ADGRL3: variants seen among roughly 807,000 people sequenced by gnomAD.
ADGRL3 encodes the protein calcium-independent alpha-latrotoxin receptor 3.
ADGRL3 carries 62 observed loss-of-function variants against 153.5 expected under a neutral mutation model. The ratio of observed to expected loss-of-function variants is 0.40; its 90% confidence interval spans 0.33 to 0.50. The LOEUF is 0.50. Among genes scored for constraint, ADGRL3 ranks in the 20% least tolerant of loss-of-function variants. The probability of loss-of-function intolerance (pLI) is 0.47; values close to 1 mark genes in which losing one functional copy is unlikely to be tolerated. For missense variants in ADGRL3, 1,641 were observed against 1,859.4 expected (o/e 0.88, Z 2.16); for synonymous variants, 710 against 672.5 (o/e 1.06, Z -0.86).
At chr4:61,274,641 G>T (rs2093374091) in intron 1 of ADGRL3, among the ~76,000 whole-genome samples, 1 of 152,162 alleles carries the variant, frequency 6.6e-6, no homozygotes, top group Non-Finnish European at 1.5e-5. Flanking sequence ...GTGCTGGTTA[G>T]TAAAGAAAAC....
chr4:61,927,096 C>T (rs772288909), intron 13 of ADGRL3, among the ~76,000 whole-genome samples: 6 of 152,078 alleles, frequency 3.9e-5, no homozygotes, highest in Non-Finnish European at 5.9e-5. Flanking sequence ...GTTTAATTGC[C>T]TGGCCTCACT....
chr4:61,288,963 G>A (rs1578133112), intron 1 of ADGRL3, among the ~76,000 whole-genome samples: 1 of 151,844 alleles, frequency 6.6e-6, no homozygotes, highest in South Asian at 2.1e-4. Context: ...GAAACAGGAT[G>A]GGTCAAAATA....
chr4:61,660,777 A>G (rs1194397065), intron 5 of ADGRL3, among the ~76,000 whole-genome samples: 1 of 152,124 alleles, frequency 6.6e-6, no homozygotes. Context: ...AACTTTCCAC[A>G]TTAAACCCAA....
Position 61,202,571 on chromosome 4 carries a change from C to T in ADGRL3, c.-240+806C>T, listed in dbSNP as rs1289573368. 1.3e-5 allele frequency among the ~76,000 whole-genome samples: 2 copies of T among 152,138 alleles called. No homozygotes were observed. Among genetic ancestry groups the T allele is most frequent in the Non-Finnish European group, 2.9e-5 (2 of 68,032 alleles). On this transcript the variant is annotated intron_variant, in intron 1 of 26. Coordinates refer to ENST00000683033, the MANE Select transcript of ADGRL3 (RefSeq NM_001387552.1). This position sits in a 1 kb window ranked among gnomAD's most constrained non-coding sequence, Gnocchi z 5.0. ...CGGCGCCGGGGCGGGGTGGGCAGAGCATTGGTGGTCGCGGTTGGCGGGTTA... is the reference window on the plus strand; with the variant it reads ...CGGCGCCGGGGCGGGGTGGGCAGAGTATTGGTGGTCGCGGTTGGCGGGTTA...
intron 9 of ADGRL3, among the ~76,000 whole-genome samples, chr4:61,853,837 G>A (rs1048059893): frequency 6.6e-6 from 1 of 152,158 alleles, no homozygotes; most frequent in Non-Finnish European, 1.5e-5. Context: ...CTCAACAAGG[G>A]AGAGCTAGAT....
intron 1 of ADGRL3, among the ~76,000 whole-genome samples, chr4:61,350,349 T>TG (rs924898189): frequency 2.0e-5 from 3 of 151,138 alleles, no homozygotes; most frequent in East Asian, 1.9e-4. Flanking sequence ...GGAGGTTTTT[T>TG]TTTTTTTTTT....
At chr4:61,554,169 G>GCATTTTATTTTATTT (rs71604516) in intron 4 of ADGRL3, among the ~76,000 whole-genome samples, 1 of 138,766 alleles carries the variant, frequency 7.2e-6, no homozygotes, top group African/African-American at 2.8e-5. Flanking sequence ...CCTAACTTAG[G>GCATTTTATTTTATTT]TATTTTATTT....
chr4:61,216,434 T>C (rs1202331411), intron 1 of ADGRL3, among the ~76,000 whole-genome samples: 3 of 152,138 alleles, frequency 2.0e-5, no homozygotes, highest in African/African-American at 7.2e-5. Context: ...AGTGTTACCT[T>C]GTATCAAGGC....
chr4:62,048,366 A>C (rs1334303608), intron 25 of ADGRL3, among the ~76,000 whole-genome samples: 1 of 151,872 alleles, frequency 6.6e-6, no homozygotes, highest in Non-Finnish European at 1.5e-5. Context: ...CAGTTCAAGC[A>C]ATTCTCCTGC....
chr4:61,955,607 G>A (rs914504960), intron 17 of ADGRL3, among the ~76,000 whole-genome samples: 1 of 152,002 alleles, frequency 6.6e-6, no homozygotes. Flanking sequence ...GGATACATGT[G>A]CAGATTTGTT....
At chr4:61,587,152 G>C in intron 4 of ADGRL3, 75 bp from the exon 5 acceptor site, 1 of 936,316 alleles carries the variant, frequency 1.1e-6, no homozygotes, top group Non-Finnish European at 1.6e-6. Context: ...CCAAACATTG[G>C]AAAAGCGAAC....
chr4:61,893,249 C>T (rs1310675846), intron 10 of ADGRL3, among the ~76,000 whole-genome samples: 1 of 151,384 alleles, frequency 6.6e-6, no homozygotes, highest in Non-Finnish European at 1.5e-5. Flanking sequence ...ATCTATTTTC[C>T]AGAGTTTGAA....
At chr4:61,647,356 C>A (rs951787990) in intron 5 of ADGRL3, among the ~76,000 whole-genome samples, 1 of 152,114 alleles carries the variant, frequency 6.6e-6, no homozygotes, top group Non-Finnish European at 1.5e-5. Context: ...TTTGAATTTA[C>A]AGACGAAAAA....
intron 1 of ADGRL3, among the ~76,000 whole-genome samples, chr4:61,228,234 G>A (rs961740792): frequency 6.6e-6 from 1 of 152,174 alleles, no homozygotes; most frequent in Non-Finnish European, 1.5e-5. Context: ...CTATGAGAAT[G>A]ATGATGTCCT....
At chr4:61,209,288 C>T (rs1156436639) in intron 1 of ADGRL3, among the ~76,000 whole-genome samples, 1 of 152,026 alleles carries the variant, frequency 6.6e-6, no homozygotes, top group East Asian at 1.9e-4. Context: ...TTGAATACAA[C>T]CCCAAATGTG....
At chr4:61,742,532 G>A (rs7699021) in intron 8 of ADGRL3, among the ~76,000 whole-genome samples, 74,794 of 151,738 alleles carry the variant, frequency 0.49, 19,236 homozygotes, top group East Asian at 0.71. Context: ...CACCCATCTC[G>A]GCCTCCCAAA....
At chr4:61,783,276 C>T (rs1421016666) in intron 8 of ADGRL3, among the ~76,000 whole-genome samples, 1 of 152,112 alleles carries the variant, frequency 6.6e-6, no homozygotes, top group African/African-American at 2.4e-5. Context: ...ATCCTTTTGT[C>T]ATGCCACCAT....
At chr4:61,296,398 T>C (rs1289425043) in intron 1 of ADGRL3, among the ~76,000 whole-genome samples, 2 of 152,182 alleles carry the variant, frequency 1.3e-5, no homozygotes, top group Admixed American at 6.5e-5. Flanking sequence ...TGCCCTTTCA[T>C]GGTAAATGTC....
In ADGRL3 at chr4:61,946,986, A is replaced by T; in HGVS notation, c.2492A>T (p.Lys831Met). The T allele has an allele frequency of 6.2e-7, 1 of 1,613,832 alleles. No individual in the cohort carries two copies. Among genetic ancestry groups the T allele is most frequent in the Non-Finnish European group, 8.5e-7 (1 of 1,179,814 alleles). ...PYLSTENASM[K>M]LGTEALSTNH... ...TTATCCACGGAGAATGCCAGTATGA[A>T]GTTGGGAACGGAAGCTTTGTCCACA... Residue 831 changes from lysine (K) to methionine (M), a missense_variant, in exon 16 of 27, where the codon AAG (lysine) becomes ATG (methionine). Physicochemically the swap from Lys to Met is moderately conservative, Grantham distance 95. This residue lies in a region of ADGRL3 where 734 missense variants were observed against 797.0 expected (regional missense o/e 0.92). Coordinates refer to ENST00000683033, the MANE Select transcript of ADGRL3 (RefSeq NM_001387552.1).
Sources: gnomAD v4.1 joint callset for allele counts (sites outside exome capture counted in the v4.1 genomes callset) on GRCh38, gnomAD v4.1.1 for gene constraint, gnomAD v4.1.1 regional missense constraint, Gnocchi (gnomAD v3.1) non-coding constraint, MANE v1.5 for transcripts, NCBI Gene and HGNC (gene_info 2026-07-23, HGNC 2026-07-21) for gene names.